Variants in RBFOX1 observed in about 807,000 individuals in gnomAD.
RBFOX1 encodes the protein RNA binding fox-1 homolog 1.
RBFOX1 carries 8 observed loss-of-function variants against 57.7 expected under a neutral mutation model. The observed-to-expected ratio is 0.14, with a 90% CI of 0.08 to 0.25. The LOEUF (loss-of-function observed/expected upper bound fraction) is 0.25, where lower values mean the gene tolerates loss of function less well. Among genes scored for constraint, RBFOX1 ranks in the 10% least tolerant of loss-of-function variants. RBFOX1 has a pLI of 1.00. For synonymous variants in RBFOX1, 326 were observed against 222.4 expected, an observed-to-expected ratio of 1.47 and a Z score of -4.15; for missense variants, 611 against 548.5, an observed-to-expected ratio of 1.11 and a Z score of -1.14.
chr16:6,031,972 A>G (rs896046753), intron 1 of RBFOX1, among the ~76,000 whole-genome samples: 2 of 152,094 alleles, frequency 1.3e-5, no homozygotes, highest in Non-Finnish European at 2.9e-5. Flanking sequence ...CCACCCCTGA[A>G]TTGTTCCCTC....
intron 9 of RBFOX1, among the ~76,000 whole-genome samples, chr16:7,606,924 G>T (rs2095306061): frequency 6.6e-6 from 1 of 151,958 alleles, no homozygotes; most frequent in African/African-American, 2.4e-5. Context: ...AATGCAGAGG[G>T]GTGTGATGGA....
In RBFOX1 at chr16:6,703,127, A is replaced by G. The variant is rs571541607; in HGVS notation, c.-16+48477A>G. On this transcript the variant is annotated intron_variant, in intron 3 of 15. Transcript: ENST00000550418. Reference sequence around the variant, plus strand: ...GGCTGAATAATATTTCATTGTGAGAATATATCATGTTTTGTTTTGTTATAT... The same window carrying G: ...GGCTGAATAATATTTCATTGTGAGAGTATATCATGTTTTGTTTTGTTATAT... Among the ~76,000 whole-genome samples the G allele has an allele frequency of 4.6e-5, 7 of 152,284 alleles. No homozygotes were observed. The East Asian group carries it at 9.6e-4, about 21-fold the overall frequency.
At chr16:6,819,494 G>T (rs565099619) in intron 3 of RBFOX1, among the ~76,000 whole-genome samples, 3 of 151,992 alleles carry the variant, frequency 2.0e-5, no homozygotes, top group East Asian at 1.9e-4. Flanking sequence ...ACCTGAGGTC[G>T]GGAGTTTGAG....
intron 2 of RBFOX1, among the ~76,000 whole-genome samples, chr16:6,331,304 A>G (rs1018917177): frequency 1.7e-4 from 26 of 152,046 alleles, no homozygotes; most frequent in African/African-American, 6.0e-4. Flanking sequence ...AAAATTAGCT[A>G]GGCATGCTGG....
chr16:5,327,573 G>A (rs566233348), intron 1 of RBFOX1, among the ~76,000 whole-genome samples: 2 of 152,094 alleles, frequency 1.3e-5, no homozygotes, highest in South Asian at 4.2e-4. Context: ...AGAGAGAAAC[G>A]CCCCAATCTG....
chr16:5,552,186 T>C (rs2045492197), intron 2 of RBFOX1, among the ~76,000 whole-genome samples: 1 of 152,186 alleles, frequency 6.6e-6, no homozygotes, highest in South Asian at 2.1e-4. Flanking sequence ...GAGTGCAGCT[T>C]CTCTGAGATA....
At chr16:6,829,611 TG>T (rs2092544687) in intron 3 of RBFOX1, among the ~76,000 whole-genome samples, 2 of 152,182 alleles carry the variant, frequency 1.3e-5, no homozygotes, top group Admixed American at 1.3e-4. Flanking sequence ...TTTTTTCTTT[TG>T]TTTTTTTAAG....
intron 3 of RBFOX1, among the ~76,000 whole-genome samples, chr16:5,775,073 C>A (rs954555261): frequency 6.6e-6 from 1 of 152,142 alleles, no homozygotes; most frequent in African/African-American, 2.4e-5. Context: ...CTCCACAGTG[C>A]TTATAAAGTC....
chr16:7,450,828 G>T (rs957637574), intron 4 of RBFOX1, among the ~76,000 whole-genome samples: 2 of 152,164 alleles, frequency 1.3e-5, no homozygotes, highest in African/African-American at 4.8e-5. Flanking sequence ...TCAGGGGTCT[G>T]GTGGGGTGGA....
At chr16:6,083,894 G>C (rs753047527) in intron 1 of RBFOX1, among the ~76,000 whole-genome samples, 1 of 152,136 alleles carries the variant, frequency 6.6e-6, no homozygotes, top group Admixed American at 6.6e-5. Context: ...CTGCCTGAAA[G>C]CCTGTAGATT....
chr16:6,339,568 C>T (rs1264618093), intron 2 of RBFOX1, among the ~76,000 whole-genome samples: 1 of 152,162 alleles, frequency 6.6e-6, no homozygotes, highest in Non-Finnish European at 1.5e-5. Context: ...CTGTTCCTCT[C>T]TGGGAGGTCT....
chr16:5,710,662 G>C (rs550466619), intron 3 of RBFOX1, among the ~76,000 whole-genome samples: 11 of 152,320 alleles, frequency 7.2e-5, no homozygotes, highest in African/African-American at 2.6e-4. Flanking sequence ...AGTGGAGTGA[G>C]TGAAGGAATT....
chr16:5,511,861 C>T (rs1597357607), intron 2 of RBFOX1, among the ~76,000 whole-genome samples: 3 of 152,188 alleles, frequency 2.0e-5, no homozygotes, highest in African/African-American at 7.2e-5. Flanking sequence ...TGTCACTCCC[C>T]AGCAGAGTTG....
At chr16:7,504,746 TATATATATTTATATATATA>T (rs2072427836) in intron 4 of RBFOX1, among the ~76,000 whole-genome samples, 1 of 13,918 alleles carries the variant, frequency 7.2e-5, no homozygotes, top group African/African-American at 2.2e-4. Flanking sequence ...TATATATATA[TATATATATTTATATATATA>T]TATATTTATA....
chr16:6,510,256 T>C (rs570715519), intron 2 of RBFOX1, among the ~76,000 whole-genome samples: 8 of 152,296 alleles, frequency 5.3e-5, no homozygotes, highest in African/African-American at 1.9e-4. Context: ...GGAACCATTA[T>C]TGGATTCTGC....
intron 4 of RBFOX1, among the ~76,000 whole-genome samples, chr16:7,459,331 C>T (rs770045607): frequency 6.6e-6 from 1 of 152,196 alleles, no homozygotes; most frequent in South Asian, 2.1e-4. Flanking sequence ...TTTTAACTCA[C>T]TTGGCATGGG....
At chr16:6,349,861 A>T (rs369719100) in intron 2 of RBFOX1, among the ~76,000 whole-genome samples, 2 of 152,188 alleles carry the variant, frequency 1.3e-5, no homozygotes, top group Non-Finnish European at 2.9e-5. Flanking sequence ...CAGAGGTCCA[A>T]GGAGATAAGA....
intron 3 of RBFOX1, among the ~76,000 whole-genome samples, chr16:6,703,455 T>C (rs8060103): frequency 0.096 from 14,652 of 151,922 alleles, 1,135 homozygotes; most frequent in African/African-American, 0.21. Context: ...TACATGCCTG[T>C]AGTCCTAGAT....
rs2059599305 is a variant in RBFOX1, at chr16:5,955,118, T to TTAAAAAAAAAAA, written c.351+87783_351+87784insTAAAAAAAAAAA. Among the ~76,000 whole-genome samples, 17 of 14,286 alleles carry TTAAAAAAAAAAA rather than the reference T, an allele frequency of 1.2e-3. 3 individuals are homozygous for TTAAAAAAAAAAA. Among genetic ancestry groups the TTAAAAAAAAAAA allele is most frequent in the African/African-American group, 6.1e-3 (17 of 2,796 alleles). The allele number at this position is 14,286 out of a possible 152,430, so 9.4% of individuals were successfully genotyped here. On this transcript the variant is annotated intron_variant, in intron 4 of 19. Coordinates refer to the RBFOX1 transcript ENST00000641259. ...CAACAGGGTGAAACTCCATCTCTACTAAAAAAAAAAAAAAAAAAAAAAAAA... is the reference window on the plus strand; with the variant it reads ...CAACAGGGTGAAACTCCATCTCTACTTAAAAAAAAAAAAAAAAAAAAAAAAAAAAAAAAAAAA...
Sources: allele counts gnomAD v4.1 joint callset (sites outside exome capture counted in the v4.1 genomes callset), GRCh38; gene constraint gnomAD v4.1.1; transcripts MANE v1.5; gene names NCBI Gene and HGNC (gene_info 2026-07-23, HGNC 2026-07-21).